The following MEGF11 variants were observed in gnomAD, a reference collection of about 807,000 sequenced individuals.
The protein encoded by MEGF11 is multiple EGF like domains 11.
Under a neutral mutation model 146.6 loss-of-function variants are expected in MEGF11, and 126 were observed. The observed-to-expected ratio is 0.86, with a 90% CI of 0.74 to 1.00. MEGF11 has a LOEUF of 1.00. Ranked by LOEUF, MEGF11 falls within the 50% of genes least tolerant of loss-of-function variation. The pLI is 0.00. For synonymous variants in MEGF11, 532 were observed against 583.4 expected (o/e 0.91, Z 1.27); for missense variants, 1,509 against 1,521.2 (o/e 0.99, Z 0.13).
At chr15:66,072,979 G>A (rs2085429622) in intron 5 of MEGF11, among the ~76,000 whole-genome samples, 2 of 152,216 alleles carry the variant, frequency 1.3e-5, no homozygotes, top group Non-Finnish European at 2.9e-5. Flanking sequence ...GCTGATGGAT[G>A]GCAGATAGTT....
chr15:65,992,457 G>GGC (rs1027980947), intron 5 of MEGF11, among the ~76,000 whole-genome samples: 11 of 147,442 alleles, frequency 7.5e-5, no homozygotes, highest in African/African-American at 2.7e-4. Flanking sequence ...GTGTGGGGGG[G>GGC]GGGGTTAGTC....
chr15:65,957,280 G>A (rs568405598), intron 10 of MEGF11, among the ~76,000 whole-genome samples: 7 of 152,202 alleles, frequency 4.6e-5, no homozygotes, highest in Non-Finnish European at 2.9e-5. Context: ...TGTGCATAAG[G>A]ATATGGACAG....
At chr15:66,205,267 C>T (rs1169093514) in intron 1 of MEGF11, among the ~76,000 whole-genome samples, 1 of 151,980 alleles carries the variant, frequency 6.6e-6, no homozygotes, top group African/African-American at 2.4e-5. Flanking sequence ...ATAGCAAGAC[C>T]CTGTCTCTAT....
At position 66,219,755 on chromosome 15, in the gene MEGF11, G is replaced by A. The variant is rs142817990; in HGVS notation, c.-9+33850C>T. Among the ~76,000 whole-genome samples, 804 of 152,074 alleles carry A rather than the reference G, an allele frequency of 5.3e-3. 9 individuals carry two copies. Among genetic ancestry groups the A allele is most frequent in the African/African-American group, 0.019 (769 of 41,508 alleles). ...TACAACCCAGCAATTGCACTCTTGA[G>A]CATTTATCCCAGAGATAATCTTATG... On this transcript the variant is annotated intron_variant, in intron 1 of 25. Coordinates refer to ENST00000395614, the MANE Select transcript of MEGF11 (RefSeq NM_001385028.1).
At chr15:65,916,519 T>C in intron 17 of MEGF11, 1 of 658,666 alleles carries the variant, frequency 1.5e-6, no homozygotes, top group South Asian at 1.9e-5. Context: ...GTCTACTTCC[T>C]GTGTGGACAC....
chr15:66,234,800 A>G (rs1597167241), intron 1 of MEGF11, among the ~76,000 whole-genome samples: 1 of 152,344 alleles, frequency 6.6e-6, no homozygotes, highest in African/African-American at 2.4e-5. Flanking sequence ...CAGTCGGTTC[A>G]GGATCCTGAT....
chr15:66,085,143 C>T (rs2086053089), intron 5 of MEGF11, among the ~76,000 whole-genome samples: 1 of 152,152 alleles, frequency 6.6e-6, no homozygotes, highest in Non-Finnish European at 1.5e-5. Flanking sequence ...GGGAACCTCG[C>T]TCCCATCCCC....
chr15:65,927,930 C>G lies in MEGF11; in HGVS notation c.1675+495G>C, dbSNP rs149079773. ...CAGATCTGGGTTTGAAAAGTTGACT[C>G]TGGCCACCAGGTGCAGAATGAATGC... On this transcript the variant is annotated intron_variant, in intron 13 of 25. Coordinates refer to ENST00000395614, the MANE Select transcript of MEGF11 (RefSeq NM_001385028.1). 1.8e-3 allele frequency among the ~76,000 whole-genome samples: 279 copies of G among 152,336 alleles called. 1 individual carries two copies. The highest frequency in any genetic ancestry group is 6.3e-3 in the African/African-American group (262 of 41,568).
At chr15:65,929,058 A>C (rs2079477137) in intron 12 of MEGF11, among the ~76,000 whole-genome samples, 1 of 152,148 alleles carries the variant, frequency 6.6e-6, no homozygotes, top group Non-Finnish European at 1.5e-5. Flanking sequence ...TTGTATTCCC[A>C]CTTTAAAGAT....
intron 4 of MEGF11, among the ~76,000 whole-genome samples, chr15:66,098,821 G>A (rs1230621989): frequency 1.3e-5 from 2 of 152,224 alleles, no homozygotes; most frequent in African/African-American, 4.8e-5. Context: ...CGGCATGTGT[G>A]TACGTATTAG....
chr15:65,951,469 A>G (rs1234754673), intron 10 of MEGF11, among the ~76,000 whole-genome samples: 1 of 152,150 alleles, frequency 6.6e-6, no homozygotes, highest in African/African-American at 2.4e-5. Context: ...GGCAGATGAC[A>G]TGAGGTCAGG....
chr15:66,124,127 T>TC (rs960177994), intron 2 of MEGF11, 127 bp from the exon 3 acceptor site: 1 of 710,232 alleles, frequency 1.4e-6, no homozygotes, highest in Non-Finnish European at 2.5e-6. Flanking sequence ...GGCTCTGACC[T>TC]CCCCCCTCCC....
intron 25 of MEGF11, 154 bp downstream of exon 25, chr15:65,898,574 A>G (rs574781600): frequency 6.0e-5 from 59 of 985,366 alleles, no homozygotes; most frequent in Non-Finnish European, 6.9e-5. Context: ...CTAGGAGGGT[A>G]GTCCTAGGAA....
Position 65,895,856 on chromosome 15 carries a change from G to A in MEGF11, c.*2078C>T, listed in dbSNP as rs1469821878. ...CGACTAACTTGACCAGAGTAACACTGAAATCTCTTGATTCAGTGTCTAGCC... is the reference window on the plus strand; with the variant it reads ...CGACTAACTTGACCAGAGTAACACTAAAATCTCTTGATTCAGTGTCTAGCC... On this transcript the variant is annotated 3_prime_UTR_variant, in exon 26 of 26. Coordinates refer to ENST00000395614, the MANE Select transcript of MEGF11 (RefSeq NM_001385028.1). 6.6e-6 allele frequency: 1 copy of A among 152,232 alleles called. No homozygotes were observed. The highest frequency in any genetic ancestry group is 1.5e-5 in the Non-Finnish European group (1 of 68,044). The allele number at this position is 152,232 out of a possible 1,614,324, so 9.4% of individuals were successfully genotyped here.
intron 5 of MEGF11, among the ~76,000 whole-genome samples, chr15:66,060,690 C>T (rs996903297): frequency 6.6e-6 from 1 of 152,200 alleles, no homozygotes; most frequent in Non-Finnish European, 1.5e-5. Context: ...TGTGTCTGTC[C>T]CTCTCTCTAG....
intron 4 of MEGF11, among the ~76,000 whole-genome samples, chr15:66,103,626 ATTG>A (rs1204377937): frequency 6.6e-6 from 1 of 152,066 alleles, no homozygotes; most frequent in Admixed American, 6.5e-5. Flanking sequence ...GGAGTAGAAT[ATTG>A]TTATTTCTAC....
chr15:65,989,983 A>G (rs2141747861), intron 5 of MEGF11, among the ~76,000 whole-genome samples: 1 of 152,330 alleles, frequency 6.6e-6, no homozygotes, highest in Non-Finnish European at 1.5e-5. Flanking sequence ...CACTGAGATT[A>G]GACACTTGAG....
At chr15:66,011,291 G>T (rs1166856420) in intron 5 of MEGF11, among the ~76,000 whole-genome samples, 2 of 152,174 alleles carry the variant, frequency 1.3e-5, no homozygotes, top group African/African-American at 4.8e-5. Context: ...GGTCAAAAGA[G>T]TTCTGGCCAG....
At chr15:65,923,011 G>C (rs1447094417) in intron 13 of MEGF11, 42 bp from the exon 14 acceptor site, 1 of 1,597,468 alleles carries the variant, frequency 6.3e-7, no homozygotes, top group Non-Finnish European at 8.5e-7. Context: ...TAAGAGAGGT[G>C]AGGATGAAGG....
Sources: allele counts gnomAD v4.1 joint callset (sites outside exome capture counted in the v4.1 genomes callset), GRCh38; gene constraint gnomAD v4.1.1; transcripts MANE v1.5; gene names NCBI Gene and HGNC (gene_info 2026-07-23, HGNC 2026-07-21).